The following GRM7 variants were observed in gnomAD, a reference collection of about 807,000 sequenced individuals.
GRM7 encodes the protein glutamate metabotropic receptor 7, also known as metabotropic glutamate receptor 7.
In GRM7, 35 loss-of-function variants were observed where a neutral mutation model predicts 84.5. The observed-to-expected ratio is 0.41, with a 90% confidence interval of 0.32 to 0.55. The LOEUF is 0.55. Among genes scored for constraint, GRM7 ranks in the 20% least tolerant of loss-of-function variants. The pLI is 0.19. For missense variants in GRM7, 1,003 were observed against 1,194.6 expected (o/e 0.84, Z 2.36); for synonymous variants, 487 against 455.1 (o/e 1.07, Z -0.89).
intron 1 of GRM7, among the ~76,000 whole-genome samples, chr3:6,895,517 C>T (rs921877476): frequency 2.0e-5 from 3 of 152,082 alleles, no homozygotes; most frequent in Admixed American, 1.3e-4. Context: ...TTTCATTTTA[C>T]AAATTAGGAA....
chr3:7,319,030 G>A (rs987533634), intron 4 of GRM7, among the ~76,000 whole-genome samples: 3 of 152,030 alleles, frequency 2.0e-5, no homozygotes, highest in Non-Finnish European at 4.4e-5. Flanking sequence ...CATTGAACTT[G>A]CCTTCAACAA....
intron 7 of GRM7, chr3:7,520,251 G>T (rs1424275457): frequency 6.6e-6 from 1 of 152,108 alleles, no homozygotes; most frequent in Admixed American, 6.5e-5. Context: ...GAAGAGCTTG[G>T]TAATCTCATT....
intron 4 of GRM7, among the ~76,000 whole-genome samples, chr3:7,370,710 C>T (rs995357766): frequency 6.6e-6 from 1 of 152,158 alleles, no homozygotes; most frequent in South Asian, 2.1e-4. Flanking sequence ...GACTCCCCTC[C>T]TTCCCTGCCT....
intron 5 of GRM7, among the ~76,000 whole-genome samples, chr3:7,446,470 T>G (rs1185415604): frequency 2.7e-5 from 4 of 149,480 alleles, no homozygotes; most frequent in South Asian, 4.2e-4. Context: ...TTTTGTTTTT[T>G]TTTTTTTTGA....
intron 2 of GRM7, among the ~76,000 whole-genome samples, chr3:7,156,020 T>C (rs1302502370): frequency 1.3e-5 from 2 of 152,196 alleles, no homozygotes; most frequent in African/African-American, 4.8e-5. Flanking sequence ...GCATTAGTTG[T>C]CAAACAAGCT....
chr3:7,676,983 T>C (rs1016984845), intron 8 of GRM7, among the ~76,000 whole-genome samples: 1 of 151,868 alleles, frequency 6.6e-6, no homozygotes, highest in Non-Finnish European at 1.5e-5. Context: ...AAAATAAGGC[T>C]GGGCATGGTG....
intron 1 of GRM7, among the ~76,000 whole-genome samples, chr3:6,911,803 A>G (rs1037847453): frequency 6.6e-6 from 1 of 152,198 alleles, no homozygotes; most frequent in African/African-American, 2.4e-5. Flanking sequence ...AATCTTCCAA[A>G]GTTAAAAAAT....
intron 1 of GRM7, among the ~76,000 whole-genome samples, chr3:6,873,510 T>C (rs1695200159): frequency 6.6e-6 from 1 of 152,214 alleles, no homozygotes; most frequent in African/African-American, 2.4e-5. Flanking sequence ...AGGGTCTCAC[T>C]ATCCCCAATG....
At chr3:6,905,073 C>T (rs1294631252) in intron 1 of GRM7, among the ~76,000 whole-genome samples, 1 of 152,070 alleles carries the variant, frequency 6.6e-6, no homozygotes, top group East Asian at 1.9e-4. Flanking sequence ...TTTTGCTTTC[C>T]CAAACTGCCT....
rs55992242 is a variant in GRM7 at position 7,397,434 on chromosome 3, G to A, written c.1034-17589G>A. Among the ~76,000 whole-genome samples, 659 of 152,098 alleles carry A rather than the reference G, an allele frequency of 4.3e-3. 3 individuals carry two copies. The highest frequency in any genetic ancestry group is 0.015 in the African/African-American group (608 of 41,482). ...TAGCGGGGAGGCAGAGATGAAGTAG[G>A]GATAATTAATGGGTATAAAAATACA... On this transcript the variant is annotated intron_variant, in intron 4 of 9. Coordinates refer to ENST00000357716, the MANE Select transcript of GRM7 (RefSeq NM_000844.4).
intron 4 of GRM7, among the ~76,000 whole-genome samples, chr3:7,365,647 G>GTATGTATATATATATATA (rs1693850887): frequency 2.3e-5 from 3 of 130,056 alleles, no homozygotes; most frequent in Admixed American, 2.3e-4. Flanking sequence ...GTGCGTGTGT[G>GTATGTATATATATATATA]TATATATATA....
At position 7,146,519 on chromosome 3, in the gene GRM7, C is replaced by T. The variant is rs1694115450; in HGVS notation, c.587C>T (p.Ser196Phe). 1.2e-6 allele frequency: 2 copies of T among 1,614,048 alleles called. No individual in the cohort carries two copies. Among genetic ancestry groups the T allele is most frequent in the Non-Finnish European group, 1.7e-6 (2 of 1,179,964 alleles). The stretch of plus-strand genomic sequence containing the variant: ...GATGACCGGCGCTATGACTTCTTCT[C>T]TCGCGTGGTGCCACCCGATTCCTTC... ...LSDDRRYDFF[S>F]RVVPPDSFQA... Residue 196 changes from serine to phenylalanine, a missense_variant, in exon 2 of 10, where the codon TCT becomes TTT. By Grantham distance (155) the Ser-to-Phe change is radical. Transcript: ENST00000357716.
chr3:7,552,633 G>T (rs1693536100), intron 7 of GRM7, among the ~76,000 whole-genome samples: 1 of 152,192 alleles, frequency 6.6e-6, no homozygotes, highest in East Asian at 1.9e-4. Flanking sequence ...ACATCATGTG[G>T]AAGCTGCCAA....
intron 8 of GRM7, among the ~76,000 whole-genome samples, chr3:7,642,132 T>C (rs1323440835): frequency 1.3e-5 from 2 of 152,280 alleles, no homozygotes; most frequent in African/African-American, 2.4e-5. Flanking sequence ...TTTCTGACTT[T>C]AGTGTACATA....
intron 1 of GRM7, among the ~76,000 whole-genome samples, chr3:7,079,904 A>T (rs1457977596): frequency 6.6e-6 from 1 of 152,130 alleles, no homozygotes; most frequent in Non-Finnish European, 1.5e-5. Flanking sequence ...AGTGCTCAAT[A>T]AGTGTTTGTT....
At chr3:7,051,456 AC>A (rs1358728940) in intron 1 of GRM7, among the ~76,000 whole-genome samples, 1 of 151,800 alleles carries the variant, frequency 6.6e-6, no homozygotes. Flanking sequence ...GAGAACCATC[AC>A]TTCTGTCTTT....
chr3:7,645,343 T>C (rs1698575136), intron 8 of GRM7, among the ~76,000 whole-genome samples: 1 of 151,680 alleles, frequency 6.6e-6, no homozygotes, highest in Admixed American at 6.6e-5. Flanking sequence ...GGTCAGGAGA[T>C]TGAGACCATC....
chr3:7,292,434 G>A (rs1370531497), intron 2 of GRM7, among the ~76,000 whole-genome samples: 1 of 152,074 alleles, frequency 6.6e-6, no homozygotes, highest in Non-Finnish European at 1.5e-5. Context: ...GAAAACCTCA[G>A]TACTACTCTG....
At chr3:7,695,928 A>T (rs1700998114) in intron 9 of GRM7, among the ~76,000 whole-genome samples, 1 of 152,194 alleles carries the variant, frequency 6.6e-6, no homozygotes, top group Non-Finnish European at 1.5e-5. Flanking sequence ...AATGAGAATT[A>T]AATAATCTTA....
Sources: gnomAD v4.1 joint callset for allele counts (sites outside exome capture counted in the v4.1 genomes callset) on GRCh38, gnomAD v4.1.1 for gene constraint, MANE v1.5 for transcripts, NCBI Gene and HGNC (gene_info 2026-07-23, HGNC 2026-07-21) for gene names.